PDHX: variants seen among roughly 807,000 people sequenced by gnomAD.
PDHX encodes pyruvate dehydrogenase complex component X.
A neutral mutation model predicts 55.3 loss-of-function variants in PDHX; 33 were observed. The observed-to-expected ratio is 0.60, with a 90% CI of 0.45 to 0.80. The LOEUF (loss-of-function observed/expected upper bound fraction) is 0.80. Among genes scored for constraint, PDHX ranks in the 30% least tolerant of loss-of-function variants. The pLI, the probability that PDHX is intolerant of heterozygous loss-of-function variation, is 0.00. For synonymous variants in PDHX, 226 were observed against 219.4 expected, an observed-to-expected ratio of 1.03 and a Z score of -0.27; for missense variants, 622 against 619.9, an observed-to-expected ratio of 1.00 and a Z score of -0.04.
rs1414995880 is a variant in PDHX, at chr11:34,995,799, ACTGTGAACTT to A, written c.*630_*639del. On this transcript the variant is annotated 3_prime_UTR_variant, in exon 11 of 11. Coordinates refer to ENST00000227868, the MANE Select transcript of PDHX (RefSeq NM_003477.3). ...CTGTCTTGTTTTTCACTTATATAAC[ACTGTGAACTT>A]CTAAAGCAAGAGGATAAAAGAAGCA... 6.5e-6 allele frequency: 1 copy of A among 152,684 alleles called. No individual in the cohort carries two copies. The highest frequency in any genetic ancestry group is 1.5e-5 in the Non-Finnish European group (1 of 68,080). 9.5% of individuals were successfully genotyped at this position (152,684 alleles called of 1,614,324 possible).
chr11:34,970,162 C>T lies in PDHX; in HGVS notation c.840C>T (p.Ala280=). ...NAVGTFTEIP[A]SNIRRVIAKR... ...AGGGCACATTCACTGAAATCCCCGC[C>T]AGCAATATTCGAAGAGTTATTGCCA... The change falls in exon 7 of 11, where the codon GCC becomes GCT. Residue 280 remains alanine, a synonymous_variant. Coordinates refer to ENST00000227868, the MANE Select transcript of PDHX (RefSeq NM_003477.3). 1.2e-6 allele frequency: 2 copies of T among 1,613,420 alleles called. No individual in the cohort carries two copies. The highest frequency in any genetic ancestry group is 1.7e-6 in the Non-Finnish European group (2 of 1,179,450).
intron 5 of PDHX, among the ~76,000 whole-genome samples, 189 bp downstream of exon 5, chr11:34,960,707 A>G (rs904181833): frequency 6.6e-6 from 1 of 152,234 alleles, no homozygotes; most frequent in African/African-American, 2.4e-5. Context: ...GAATAATTAT[A>G]GCATTACTGA....
intron 1 of PDHX, among the ~76,000 whole-genome samples, chr11:34,930,877 A>G (rs1206981735): frequency 6.6e-6 from 1 of 152,204 alleles, no homozygotes. Context: ...ATTAGTAGGA[A>G]CCTTTGAATC....
chr11:34,916,030 ACCACTGATCT>A, upstream of PDHX: 1 of 665,194 alleles, frequency 1.5e-6, no homozygotes, highest in South Asian at 2.0e-5. Flanking sequence ...CCCGCCCGAG[ACCACTGATCT>A]CCTGGGGCCT....
chr11:34,951,877 C>A (rs1000293621), intron 3 of PDHX, among the ~76,000 whole-genome samples: 29 of 152,200 alleles, frequency 1.9e-4, no homozygotes, highest in African/African-American at 6.7e-4. Context: ...TTTTTGTATA[C>A]AGTGTAAGGA....
intron 2 of PDHX, among the ~76,000 whole-genome samples, chr11:34,943,744 G>T (rs1229671317): frequency 3.3e-5 from 5 of 152,024 alleles, no homozygotes; most frequent in Admixed American, 3.3e-4. Flanking sequence ...TGCCTCCAGG[G>T]CTATAAGTGT....
At chr11:34,931,542 T>TG (rs34345153) in intron 2 of PDHX, 58 bp downstream of exon 2, 23 of 767,810 alleles carry the variant, frequency 3.0e-5, no homozygotes, top group Non-Finnish European at 4.3e-5. Context: ...TTTTGTTTTG[T>TG]TTTTTTTTTT....
At chr11:34,939,888 C>T (rs1394791834) in intron 2 of PDHX, among the ~76,000 whole-genome samples, 1 of 151,982 alleles carries the variant, frequency 6.6e-6, no homozygotes, top group East Asian at 1.9e-4. Flanking sequence ...AGGTAACACC[C>T]ACAATTTCAA....
chr11:34,926,476 G>A (rs1188725579), intron 1 of PDHX, among the ~76,000 whole-genome samples: 1 of 152,094 alleles, frequency 6.6e-6, no homozygotes, highest in Non-Finnish European at 1.5e-5. Context: ...TTCATTTCAT[G>A]ATTTTTGCAT....
chr11:34,939,468 G>GGTGTGTGTGT (rs68165754), intron 2 of PDHX, among the ~76,000 whole-genome samples: 3 of 149,084 alleles, frequency 2.0e-5, no homozygotes, highest in Admixed American at 2.0e-4. Flanking sequence ...TTTTACTAAT[G>GGTGTGTGTGT]GTGTGTGTGT....
At chr11:34,957,812 T>C (rs1472718727) in intron 4 of PDHX, among the ~76,000 whole-genome samples, 2 of 152,102 alleles carry the variant, frequency 1.3e-5, no homozygotes, top group African/African-American at 2.4e-5. Context: ...CTAAAAGCCC[T>C]GCTTGCACAA....
chr11:34,916,423 G>A (rs1187394635), upstream of PDHX: 3 of 1,495,260 alleles, frequency 2.0e-6, no homozygotes, highest in Admixed American at 4.6e-5. Context: ...AACGGGGCGG[G>A]GGCCGGGGTC....
chr11:34,993,556 C>T (rs189764269), intron 10 of PDHX, among the ~76,000 whole-genome samples: 2 of 152,094 alleles, frequency 1.3e-5, no homozygotes, highest in East Asian at 3.9e-4. Flanking sequence ...TTGATTTCTC[C>T]TTTTTCATAG....
Position 34,974,493 on chromosome 11 carries a change from T to A in PDHX, c.965-3631T>A, listed in dbSNP as rs184813372. ...GAACGTGGCTGTACAAATATCTCTT[T>A]GTGTCTCTGTTTTCAAATATTTTAG... is the stretch of plus-strand genomic sequence containing the variant. On this transcript the variant is annotated intron_variant, in intron 7 of 10. Coordinates refer to ENST00000227868, the MANE Select transcript of PDHX (RefSeq NM_003477.3). Among the ~76,000 whole-genome samples the A allele has an allele frequency of 3.3e-5, 5 of 152,324 alleles. No homozygotes were observed. In the East Asian group the frequency reaches 7.7e-4, roughly 23 times the overall value.
rs371030372 is a variant in PDHX, at chr11:34,957,475, A to C, written c.434A>C (p.Lys145Thr). The stretch of plus-strand genomic sequence containing the variant: ...GATTGGAAACATGTTGAAATTCCCA[A>C]AGACGTAGGTCCTCCACCACCAGTT... ...GEDWKHVEIP[K>T]DVGPPPPVSK... is the part of the protein sequence containing the mutation. The change falls in exon 4 of 11, where the codon AAA becomes ACA. Residue 145 changes from lysine (K) to threonine (T), a missense_variant. Physicochemically the swap from Lys to Thr is moderately conservative, Grantham distance 78. Coordinates refer to ENST00000227868, the MANE Select transcript of PDHX (RefSeq NM_003477.3). The C allele has an allele frequency of 3.3e-5, 53 of 1,613,808 alleles. No homozygotes were observed. The highest frequency in any genetic ancestry group is 3.3e-4 in the Middle Eastern group (2 of 6,084).
chr11:34,916,571 G>C, upstream of PDHX: 2 of 1,565,594 alleles, frequency 1.3e-6, no homozygotes, highest in Non-Finnish European at 1.7e-6. Flanking sequence ...CTAGCGTCTG[G>C]GGGCGTGGCC....
At chr11:34,921,506 C>T (rs191987466) in intron 1 of PDHX, among the ~76,000 whole-genome samples, 10 of 152,274 alleles carry the variant, frequency 6.6e-5, no homozygotes, top group African/African-American at 1.2e-4. Flanking sequence ...TCGAAGGCTA[C>T]GATTTGGACA....
chr11:34,957,211 A>C (rs1854921605), intron 3 of PDHX, among the ~76,000 whole-genome samples, 173 bp from the exon 4 acceptor site: 1 of 152,210 alleles, frequency 6.6e-6, no homozygotes, highest in African/African-American at 2.4e-5. Context: ...GGAAGGCATA[A>C]GTGGGAGAAA....
At chr11:34,931,516 C>A in intron 2 of PDHX, 32 bp downstream of exon 2, 8 of 1,182,196 alleles carry the variant, frequency 6.8e-6, no homozygotes, top group Non-Finnish European at 1.0e-5. Context: ...GTCCTGTGTG[C>A]TTTGTTATTT....
Sources: allele counts gnomAD v4.1 joint callset (sites outside exome capture counted in the v4.1 genomes callset), GRCh38; gene constraint gnomAD v4.1.1; transcripts MANE v1.5; gene names NCBI Gene and HGNC (gene_info 2026-07-23, HGNC 2026-07-21).